The following MCTP1 variants were observed in gnomAD, a reference collection of about 807,000 sequenced individuals.
MCTP1 encodes multiple C2 and transmembrane domain containing 1.
In MCTP1, 69 loss-of-function variants were observed where a neutral mutation model predicts 120.6. The ratio of observed to expected loss-of-function variants is 0.57; its 90% confidence interval spans 0.47 to 0.70. MCTP1 has a LOEUF of 0.70. MCTP1 is among the 30% of genes least tolerant of loss of function. MCTP1 has a pLI of 0.00. For synonymous variants in MCTP1, 529 were observed against 493.1 expected, an observed-to-expected ratio of 1.07 and a Z score of -0.96; for missense variants, 1,203 against 1,248.8, an observed-to-expected ratio of 0.96 and a Z score of 0.55.
At chr5:95,042,044 A>C (rs981395260) in intron 1 of MCTP1, among the ~76,000 whole-genome samples, 7 of 152,292 alleles carry the variant, frequency 4.6e-5, no homozygotes, top group African/African-American at 1.7e-4. Flanking sequence ...AAGACTTTGG[A>C]TCTTGTTTTC....
chr5:94,897,174 C>A (rs927525665), intron 10 of MCTP1, among the ~76,000 whole-genome samples: 8 of 150,744 alleles, frequency 5.3e-5, no homozygotes, highest in African/African-American at 2.0e-4. Context: ...GTGATTCTTC[C>A]CACTTCAGCC....
intron 19 of MCTP1, among the ~76,000 whole-genome samples, chr5:94,717,680 A>G (rs533050454): frequency 6.6e-6 from 1 of 152,286 alleles, no homozygotes; most frequent in Admixed American, 6.5e-5. Flanking sequence ...GTCTCAGGAT[A>G]TAAAAATCAA....
At chr5:94,799,652 G>A (rs775857551) in intron 17 of MCTP1, among the ~76,000 whole-genome samples, 6 of 152,144 alleles carry the variant, frequency 3.9e-5, no homozygotes, top group Non-Finnish European at 5.9e-5. Flanking sequence ...GCACTGCTAC[G>A]GACAAGTGTA....
At chr5:95,152,142 G>A (rs960551512) in intron 1 of MCTP1, among the ~76,000 whole-genome samples, 39 of 152,080 alleles carry the variant, frequency 2.6e-4, no homozygotes, top group Non-Finnish European at 1.5e-4. Flanking sequence ...ATGAACTAAA[G>A]CCCATAAATA....
chr5:95,220,935 C>T (rs931501574), intron 1 of MCTP1, among the ~76,000 whole-genome samples: 3 of 152,096 alleles, frequency 2.0e-5, no homozygotes, highest in Non-Finnish European at 4.4e-5. Context: ...ACAGATGGTA[C>T]TAAATTGAGA....
At chr5:94,760,737 T>A (rs1771134581) in intron 19 of MCTP1, among the ~76,000 whole-genome samples, 1 of 151,682 alleles carries the variant, frequency 6.6e-6, no homozygotes, top group Non-Finnish European at 1.5e-5. Flanking sequence ...CCAGGCTGAG[T>A]GCAGTGGCAC....
chr5:94,939,039 T>C (rs1166241036), intron 5 of MCTP1, among the ~76,000 whole-genome samples: 1 of 152,102 alleles, frequency 6.6e-6, no homozygotes, highest in Non-Finnish European at 1.5e-5. Context: ...GAATGAAGTA[T>C]GGATACTTAA....
intron 1 of MCTP1, among the ~76,000 whole-genome samples, chr5:95,106,004 GGA>G (rs1448212372): frequency 6.6e-6 from 1 of 152,176 alleles, no homozygotes; most frequent in Non-Finnish European, 1.5e-5. Context: ...CCCAAGGAAA[GGA>G]GGTTAATCTT....
intron 2 of MCTP1, among the ~76,000 whole-genome samples, chr5:95,017,118 A>G (rs1837272464): frequency 6.6e-6 from 1 of 152,130 alleles, no homozygotes; most frequent in Non-Finnish European, 1.5e-5. Flanking sequence ...ATAGAGTCTA[A>G]TTTGTCAGCA....
intron 1 of MCTP1, among the ~76,000 whole-genome samples, chr5:95,132,847 A>ATAGT (rs1759150833): frequency 6.6e-6 from 1 of 152,186 alleles, no homozygotes; most frequent in South Asian, 2.1e-4. Flanking sequence ...TCTCTTTACT[A>ATAGT]ACCTATGTAA....
chr5:94,870,282 C>A, intron 16 of MCTP1, 135 bp downstream of exon 16: 1 of 585,642 alleles, frequency 1.7e-6, no homozygotes. Context: ...AAGAAAGCGC[C>A]ATTTTCAATA....
At chr5:94,875,010 A>C (rs1187103765) in intron 12 of MCTP1, among the ~76,000 whole-genome samples, 1 of 152,172 alleles carries the variant, frequency 6.6e-6, no homozygotes, top group Non-Finnish European at 1.5e-5. Context: ...TGTAGCAGGC[A>C]GTGTTCTATT....
chr5:94,803,182 A>G (rs1250602674), intron 17 of MCTP1, among the ~76,000 whole-genome samples: 2 of 152,204 alleles, frequency 1.3e-5, no homozygotes, highest in Non-Finnish European at 2.9e-5. Context: ...TTTTTTAATC[A>G]TTATATGGCT....
intron 1 of MCTP1, among the ~76,000 whole-genome samples, chr5:95,087,848 A>G (rs1390892607): frequency 2.0e-5 from 3 of 152,062 alleles, no homozygotes; most frequent in African/African-American, 7.2e-5. Context: ...TGACACAAAT[A>G]TGGGATCCTG....
At chr5:95,181,594 T>C (rs1748606590) in intron 1 of MCTP1, among the ~76,000 whole-genome samples, 1 of 151,754 alleles carries the variant, frequency 6.6e-6, no homozygotes, top group African/African-American at 2.4e-5. Flanking sequence ...CACACATACA[T>C]ACACAGGGTG....
chr5:95,040,604 C>T (rs1842175452), intron 1 of MCTP1, among the ~76,000 whole-genome samples: 1 of 152,128 alleles, frequency 6.6e-6, no homozygotes, highest in Non-Finnish European at 1.5e-5. Context: ...ACACACCTTC[C>T]TATCCATGTG....
chr5:94,748,734 T>C (rs746199893), intron 19 of MCTP1, among the ~76,000 whole-genome samples: 98 of 152,264 alleles, frequency 6.4e-4, no homozygotes, highest in Non-Finnish European at 1.2e-3. Context: ...ATGATACTAA[T>C]AGATTCCAAA....
At chr5:95,188,841 G>A (rs759659925) in intron 1 of MCTP1, among the ~76,000 whole-genome samples, 5 of 152,060 alleles carry the variant, frequency 3.3e-5, no homozygotes, top group Non-Finnish European at 5.9e-5. Flanking sequence ...GTAAAACTGG[G>A]AAATCTAAAT....
rs1238456106 is a variant in MCTP1 at position 94,870,943 on chromosome 5, A to C, written c.2170T>G (p.Leu724Val). 1 of 1,613,058 alleles carries C rather than the reference A, an allele frequency of 6.2e-7. No individual in the cohort carries two copies. Among genetic ancestry groups the C allele is most frequent in the Non-Finnish European group, 8.5e-7 (1 of 1,179,460 alleles). ...IQNGEQKAYV[L>V]KNKQLTGPTK... ...GGCCCTGTCAGCTGCTTGTTTTTCA[A>C]GACGTAGGCTTTCTGTTCACCATTT... Residue 724 changes from leucine to valine, a missense_variant, in exon 15 of 23, where the codon TTG (leucine) becomes GTG (valine). Leu to Val is a conservative substitution (Grantham distance 32). This residue lies in a region of MCTP1 where 740 missense variants were observed against 871.1 expected (regional missense o/e 0.85). Coordinates refer to ENST00000515393, the MANE Select transcript of MCTP1 (RefSeq NM_024717.7).
Sources: allele counts gnomAD v4.1 joint callset (sites outside exome capture counted in the v4.1 genomes callset), GRCh38; gene constraint gnomAD v4.1.1; regional missense constraint gnomAD v4.1.1; transcripts MANE v1.5; gene names NCBI Gene and HGNC (gene_info 2026-07-23, HGNC 2026-07-21).